Variants in PARD3B observed in about 807,000 individuals in gnomAD.
PARD3B encodes the protein partitioning defective 3 homolog B.
In PARD3B, 103 loss-of-function variants were observed where a neutral mutation model predicts 130.2. The ratio of observed to expected loss-of-function variants is 0.79; its 90% CI spans 0.67 to 0.93. PARD3B has a LOEUF of 0.93. PARD3B is among the 40% of genes least tolerant of loss of function. PARD3B has a pLI of 0.00. For missense variants in PARD3B, 1,609 were observed against 1,499.2 expected, an observed-to-expected ratio of 1.07 and a Z score of -1.21; for synonymous variants, 583 against 553.2, an observed-to-expected ratio of 1.05 and a Z score of -0.76.
At chr2:205,232,169 G>A (rs982496529) in intron 15 of PARD3B, among the ~76,000 whole-genome samples, 1 of 152,160 alleles carries the variant, frequency 6.6e-6, no homozygotes, top group African/African-American at 2.4e-5. Flanking sequence ...TACAGGAAGG[G>A]CTAAGCACAG....
At position 205,241,678 on chromosome 2, in the gene PARD3B, C is replaced by A. The variant is rs2039360104; in HGVS notation, c.2141-4100C>A. 6.6e-6 allele frequency among the ~76,000 whole-genome samples: 1 copy of A among 152,170 alleles called. No individual in the cohort carries two copies. Among genetic ancestry groups the A allele is most frequent in the Admixed American group, 6.5e-5 (1 of 15,274 alleles). On this transcript the variant is annotated intron_variant, in intron 15 of 22. Coordinates refer to ENST00000406610, the MANE Select transcript of PARD3B (RefSeq NM_001302769.2). The surrounding 1 kb of genome is among the most constrained non-coding windows in gnomAD (Gnocchi z 4.2). ...CTTGCTCCATCAACACTCTCTTACT[C>A]AATGCTTTTAATTAATACTTTACTG...
intron 22 of PARD3B, among the ~76,000 whole-genome samples, chr2:205,576,621 T>C (rs13419677): frequency 0.16 from 24,505 of 152,156 alleles, 2,152 homozygotes; most frequent in East Asian, 0.35. Context: ...ATGGGTCTAC[T>C]TCCGGACTTC....
chr2:205,411,053 G>GT (rs2046580476), intron 19 of PARD3B, among the ~76,000 whole-genome samples: 1 of 151,988 alleles, frequency 6.6e-6, no homozygotes, highest in South Asian at 2.1e-4. Context: ...ACCCCAGTGG[G>GT]TATTTGACAA....
At chr2:204,646,390 T>C (rs969351209) in intron 1 of PARD3B, among the ~76,000 whole-genome samples, 3 of 152,232 alleles carry the variant, frequency 2.0e-5, no homozygotes, top group Non-Finnish European at 4.4e-5. Flanking sequence ...ATGAATGTAC[T>C]CATACAGTGT....
At chr2:205,393,986 A>C (rs1302898467) in intron 18 of PARD3B, among the ~76,000 whole-genome samples, 1 of 152,164 alleles carries the variant, frequency 6.6e-6, no homozygotes, top group Non-Finnish European at 1.5e-5. Context: ...TAAAATCTTT[A>C]TTATATAGAA....
chr2:204,643,044 G>T (rs911363240), intron 1 of PARD3B, among the ~76,000 whole-genome samples: 1 of 142,260 alleles, frequency 7.0e-6, no homozygotes, highest in Admixed American at 7.4e-5. Flanking sequence ...AACCCGGGGG[G>T]CGCAGATTGC....
intron 2 of PARD3B, among the ~76,000 whole-genome samples, chr2:204,807,237 T>C (rs1181986247): frequency 6.6e-6 from 1 of 152,168 alleles, no homozygotes; most frequent in Non-Finnish European, 1.5e-5. Context: ...AGATGAGATT[T>C]GCATGGGGAC....
At chr2:205,055,183 T>C (rs1699556207) in intron 4 of PARD3B, among the ~76,000 whole-genome samples, 2 of 152,188 alleles carry the variant, frequency 1.3e-5, no homozygotes, top group South Asian at 4.1e-4. Context: ...CTTTGAGTTA[T>C]AACTTTGTAA....
chr2:204,655,399 T>G (rs2035606993), intron 1 of PARD3B, among the ~76,000 whole-genome samples: 1 of 152,134 alleles, frequency 6.6e-6, no homozygotes. Context: ...TCTGCTTGTC[T>G]GTTCTATATA....
At chr2:205,051,492 G>A (rs1294286440) in intron 4 of PARD3B, among the ~76,000 whole-genome samples, 1 of 152,176 alleles carries the variant, frequency 6.6e-6, no homozygotes, top group Non-Finnish European at 1.5e-5. Flanking sequence ...ATAACCCACA[G>A]CATAAGAAGC....
At chr2:204,773,570 G>A (rs997562523) in intron 2 of PARD3B, among the ~76,000 whole-genome samples, 2 of 151,940 alleles carry the variant, frequency 1.3e-5, no homozygotes, top group African/African-American at 4.8e-5. Context: ...TTTCTGTAAC[G>A]TACATTTAAT....
Position 205,054,424 on chromosome 2 carries a change from ATATATATATATATTTTTTTT to A in PARD3B, c.504+6736_504+6755del, listed in dbSNP as rs1329265326. ...GTCTTTTATATATATATATATATAT[ATATATATATATATTTTTTTT>A]TTTTTTTTTTTTTAATTATACTCTA... On this transcript the variant is annotated intron_variant, in intron 4 of 22. Transcript: ENST00000406610. 1.4e-4 allele frequency among the ~76,000 whole-genome samples: 3 copies of A among 21,446 alleles called. 1 individual carries two copies. The highest frequency in any genetic ancestry group is 3.1e-4 in the African/African-American group (2 of 6,388). The allele number at this position is 21,446 out of a possible 152,430, so 14.1% of individuals were successfully genotyped here. A position where few individuals can be genotyped will look rare whatever the true frequency, so the allele number is the denominator to read the frequency against.
Position 205,236,884 on chromosome 2 carries a change from A to G in PARD3B, c.2141-8894A>G, listed in dbSNP as rs183128627. Reference sequence around the variant, plus strand: ...TAATGTCATTTAATGAAAGTTTTATACACATTTAAAGAGTACTATTTGGGG... The same window carrying G: ...TAATGTCATTTAATGAAAGTTTTATGCACATTTAAAGAGTACTATTTGGGG... On this transcript the variant is annotated intron_variant, in intron 15 of 22. Transcript: ENST00000406610. 6.4e-3 allele frequency among the ~76,000 whole-genome samples: 978 copies of G among 152,320 alleles called. 13 individuals are homozygous for G. Among genetic ancestry groups the G allele is most frequent in the African/African-American group, 0.022 (923 of 41,580 alleles).
At chr2:205,289,823 G>A (rs1234296430) in intron 16 of PARD3B, among the ~76,000 whole-genome samples, 4 of 152,162 alleles carry the variant, frequency 2.6e-5, no homozygotes, top group Non-Finnish European at 5.9e-5. Flanking sequence ...TCTGTCATGA[G>A]CCCCCTCAAC....
chr2:205,087,857 A>G (rs1446598344), intron 4 of PARD3B, among the ~76,000 whole-genome samples: 1 of 152,226 alleles, frequency 6.6e-6, no homozygotes, highest in Non-Finnish European at 1.5e-5. Context: ...ATAGCTATTC[A>G]GACAGAATGG....
At chr2:205,001,105 C>T (rs887681536) in intron 3 of PARD3B, among the ~76,000 whole-genome samples, 3 of 152,178 alleles carry the variant, frequency 2.0e-5, no homozygotes, top group Non-Finnish European at 2.9e-5. Flanking sequence ...TCTCCTGCCT[C>T]AGCCTCCCTA....
At chr2:204,700,262 A>G (rs138552113) in intron 2 of PARD3B, among the ~76,000 whole-genome samples, 24 of 152,150 alleles carry the variant, frequency 1.6e-4, no homozygotes, top group Non-Finnish European at 3.2e-4. Flanking sequence ...GTTTTCTTTT[A>G]TTCAGCTATA....
chr2:204,612,057 A>G (rs887462343), intron 1 of PARD3B, among the ~76,000 whole-genome samples: 2 of 152,218 alleles, frequency 1.3e-5, no homozygotes, highest in African/African-American at 2.4e-5. Flanking sequence ...CACAGATGTC[A>G]TATTGATTAT....
intron 1 of PARD3B, among the ~76,000 whole-genome samples, chr2:204,683,268 T>C (rs1251928497): frequency 2.0e-5 from 3 of 152,218 alleles, no homozygotes; most frequent in African/African-American, 7.2e-5. Context: ...AAAAGCTATG[T>C]GTACCACAGT....
Sources: allele counts gnomAD v4.1 joint callset (sites outside exome capture counted in the v4.1 genomes callset), GRCh38; gene constraint gnomAD v4.1.1; non-coding constraint Gnocchi (gnomAD v3.1); transcripts MANE v1.5; gene names NCBI Gene and HGNC (gene_info 2026-07-23, HGNC 2026-07-21).